ZNF385D: variants seen among roughly 807,000 people sequenced by gnomAD.
The protein encoded by ZNF385D is zinc finger protein 659.
Under a neutral mutation model 35.8 loss-of-function variants are expected in ZNF385D, and 15 were observed. The ratio of observed to expected loss-of-function variants is 0.42; its 90% CI spans 0.28 to 0.64. The LOEUF is 0.64. ZNF385D is among the 30% of genes least tolerant of loss of function. The probability of loss-of-function intolerance (pLI) is 0.23; values close to 1 mark genes in which losing one functional copy is unlikely to be tolerated. For missense variants in ZNF385D, 474 were observed against 494.6 expected (o/e 0.96, Z 0.39); for synonymous variants, 212 against 186.8 (o/e 1.13, Z -1.10).
chr3:22,356,258 T>G (rs1210104332), intron 2 of ZNF385D, among the ~76,000 whole-genome samples: 1 of 151,998 alleles, frequency 6.6e-6, no homozygotes, highest in African/African-American at 2.4e-5. Flanking sequence ...CATTTTAAAA[T>G]GGTCTACACA....
chr3:22,094,986 T>C (rs555623567), intron 3 of ZNF385D, among the ~76,000 whole-genome samples: 2 of 152,108 alleles, frequency 1.3e-5, no homozygotes, highest in East Asian at 3.9e-4. Flanking sequence ...TAGCTCACTG[T>C]TACCTTAAAC....
At chr3:21,875,463 T>A (rs988846442) in intron 3 of ZNF385D, among the ~76,000 whole-genome samples, 15 of 152,050 alleles carry the variant, frequency 9.9e-5, no homozygotes, top group African/African-American at 3.6e-4. Flanking sequence ...GCTGCTTCAG[T>A]TTATACCTTC....
chr3:21,963,931 T>A (rs986344224), intron 3 of ZNF385D, among the ~76,000 whole-genome samples: 6 of 152,154 alleles, frequency 3.9e-5, no homozygotes, highest in African/African-American at 1.4e-4. Flanking sequence ...CTACTAATAT[T>A]AATGTTATTT....
chr3:21,815,379 A>T (rs909634145), intron 3 of ZNF385D, among the ~76,000 whole-genome samples: 1 of 152,210 alleles, frequency 6.6e-6, no homozygotes, highest in Admixed American at 6.5e-5. Flanking sequence ...CCCTTCAAAA[A>T]ATCAATGAAT....
intron 3 of ZNF385D, among the ~76,000 whole-genome samples, chr3:21,904,872 ACT>A: frequency 6.6e-6 from 1 of 152,230 alleles, no homozygotes; most frequent in Middle Eastern, 3.4e-3. Context: ...CACACAACAG[ACT>A]CTCAAATACT....
chr3:22,310,968 T>C (rs991721622), intron 2 of ZNF385D, among the ~76,000 whole-genome samples: 2 of 151,924 alleles, frequency 1.3e-5, no homozygotes, highest in Non-Finnish European at 2.9e-5. Flanking sequence ...TTAAATTTTA[T>C]GAAAAATTTA....
intron 2 of ZNF385D, among the ~76,000 whole-genome samples, chr3:22,277,574 C>T (rs1701491423): frequency 6.6e-6 from 1 of 152,018 alleles, no homozygotes; most frequent in South Asian, 2.1e-4. Context: ...TTTTATCATG[C>T]TATTATAAGA....
intron 3 of ZNF385D, among the ~76,000 whole-genome samples, chr3:21,833,420 G>A (rs922954734): frequency 6.6e-6 from 1 of 152,154 alleles, no homozygotes; most frequent in Non-Finnish European, 1.5e-5. Context: ...TTGTAAGAGA[G>A]GTGGGAAGGC....
At chr3:21,468,670 A>G (rs1464379058) in intron 4 of ZNF385D, among the ~76,000 whole-genome samples, 1 of 152,170 alleles carries the variant, frequency 6.6e-6, no homozygotes, top group Non-Finnish European at 1.5e-5. Flanking sequence ...TCACGCCTGT[A>G]ATCCCAGCAC....
chr3:21,586,021 TATTATA>T (rs10571981), intron 2 of ZNF385D, among the ~76,000 whole-genome samples: 27,937 of 131,464 alleles, frequency 0.21, 2,706 homozygotes, highest in East Asian at 0.29. Context: ...TAAATAAATA[TATTATA>T]AATACAAATA....
rs1438704061 is a variant in ZNF385D at position 22,053,215 on chromosome 3, A to G, written c.325+115602T>C. Among the ~76,000 whole-genome samples, 2 of 89,466 alleles carry G rather than the reference A, an allele frequency of 2.2e-5. 1 individual carries two copies. Among genetic ancestry groups the G allele is most frequent in the Admixed American group, 2.5e-4 (2 of 7,936 alleles). The allele number at this position is 89,466 out of a possible 152,430, so 58.7% of individuals were successfully genotyped here. A position where few individuals can be genotyped will look rare whatever the true frequency, so the allele number is the denominator to read the frequency against. The stretch of plus-strand genomic sequence containing the variant: ...ATAGTCTCACAATTAAAAGAACTAG[A>G]AAAGCAAGAGCAAACACATTCAAAA... On this transcript the variant is annotated intron_variant, in intron 3 of 5. Coordinates refer to the ZNF385D transcript ENST00000494108.
chr3:22,129,585 A>T (rs542393121), intron 3 of ZNF385D, among the ~76,000 whole-genome samples: 23 of 152,262 alleles, frequency 1.5e-4, no homozygotes, highest in African/African-American at 5.5e-4. Flanking sequence ...CCTGAAGCAG[A>T]ATCTCTGCCC....
intron 3 of ZNF385D, among the ~76,000 whole-genome samples, chr3:21,827,356 A>C (rs1338061785): frequency 6.6e-6 from 1 of 152,172 alleles, no homozygotes; most frequent in Non-Finnish European, 1.5e-5. Context: ...ACACACGCAT[A>C]TATATTAACT....
chr3:21,519,964 A>G lies in ZNF385D; in HGVS notation c.277-8941T>C, dbSNP rs183624299. On this transcript the variant is annotated intron_variant, in intron 3 of 7. Coordinates refer to ENST00000281523, the MANE Select transcript of ZNF385D (RefSeq NM_024697.3). ...AGAAAAACTTGTTTTATATCCTGGC[A>G]TAAATAAAATGTGCGTCTCCTCTAA... Among the ~76,000 whole-genome samples the G allele has an allele frequency of 1.4e-4, 21 of 152,330 alleles. 1 individual carries two copies. The highest frequency in any genetic ancestry group is 4.3e-4 in the African/African-American group (18 of 41,576).
intron 3 of ZNF385D, among the ~76,000 whole-genome samples, chr3:22,046,094 G>T (rs1452821854): frequency 6.6e-6 from 1 of 151,300 alleles, no homozygotes; most frequent in Admixed American, 6.6e-5. Flanking sequence ...TAGTGGCTTA[G>T]CACAACTGTT....
chr3:22,134,058 C>T (rs1277862926), intron 3 of ZNF385D: 1 of 151,980 alleles, frequency 6.6e-6, no homozygotes, highest in Non-Finnish European at 1.5e-5. Context: ...AACAAATGAT[C>T]AATTTATAGA....
At chr3:22,032,818 G>C (rs959365900) in intron 3 of ZNF385D, among the ~76,000 whole-genome samples, 1 of 152,074 alleles carries the variant, frequency 6.6e-6, no homozygotes, top group African/African-American at 2.4e-5. Context: ...GCATGCTTTA[G>C]ATGTATTAAT....
At chr3:22,287,847 G>A (rs1039500344) in intron 2 of ZNF385D, among the ~76,000 whole-genome samples, 1 of 151,904 alleles carries the variant, frequency 6.6e-6, no homozygotes, top group African/African-American at 2.4e-5. Context: ...TTTATTTTGT[G>A]AGTTTTATAC....
At chr3:21,803,328 T>C (rs1217204453) in intron 3 of ZNF385D, among the ~76,000 whole-genome samples, 1 of 152,208 alleles carries the variant, frequency 6.6e-6, no homozygotes, top group Non-Finnish European at 1.5e-5. Context: ...ACTATTATCA[T>C]CTTCCTTAAA....
Sources: gnomAD v4.1 joint callset for allele counts (sites outside exome capture counted in the v4.1 genomes callset) on GRCh38, gnomAD v4.1.1 for gene constraint, MANE v1.5 for transcripts, NCBI Gene and HGNC (gene_info 2026-07-23, HGNC 2026-07-21) for gene names.